The following RAB20 variants were observed in gnomAD, a reference collection of about 807,000 sequenced individuals.
RAB20 encodes the protein RAB20, member RAS oncogene family, also known as ras-related protein Rab-20.
Under a neutral mutation model 3.7 loss-of-function variants are expected in RAB20, and 2 were observed. The observed-to-expected ratio is 0.54, with a 90% confidence interval of 0.22 to 1.69. RAB20 has a LOEUF of 1.69. Ranked by LOEUF, RAB20 falls within the 40% of genes most tolerant of loss-of-function variation. RAB20 has a pLI of 0.19. For missense variants in RAB20, 276 were observed against 311.9 expected (o/e 0.88, Z 0.87); for synonymous variants, 126 against 130.8 (o/e 0.96, Z 0.25).
At chr13:110,547,538 T>C (rs1054048661) in intron 1 of RAB20, among the ~76,000 whole-genome samples, 1 of 152,164 alleles carries the variant, frequency 6.6e-6, no homozygotes, top group African/African-American at 2.4e-5. Flanking sequence ...TTGGAGCAAT[T>C]CCTTTCCAGT....
intron 1 of RAB20, among the ~76,000 whole-genome samples, chr13:110,525,723 TG>T (rs1219453127): frequency 1.1e-4 from 16 of 152,208 alleles, no homozygotes; most frequent in Non-Finnish European, 1.9e-4. Flanking sequence ...GCACGCCTGC[TG>T]GTATGTCCTC....
intron 1 of RAB20, among the ~76,000 whole-genome samples, chr13:110,538,958 C>A (rs1884704999): frequency 6.6e-6 from 1 of 152,228 alleles, no homozygotes; most frequent in South Asian, 2.1e-4. Context: ...CAACATCCAG[C>A]AGCCGGATAT....
intron 1 of RAB20, among the ~76,000 whole-genome samples, chr13:110,551,908 CCT>C (rs1166255332): frequency 8.3e-5 from 8 of 96,592 alleles, no homozygotes; most frequent in African/African-American, 2.3e-4. Flanking sequence ...TACTGAGACC[CCT>C]GTCTCTACAA....
Position 110,558,379 on chromosome 13 carries a change from A to ATT in RAB20, c.172+2968_172+2969insAA, listed in dbSNP as rs1885074639. Among the ~76,000 whole-genome samples the ATT allele has an allele frequency of 3.0e-5, 2 of 66,418 alleles. 1 individual carries two copies. The highest frequency in any genetic ancestry group is 6.4e-5 in the Non-Finnish European group (2 of 31,210). 43.6% of individuals were successfully genotyped at this position (66,418 alleles called of 152,430 possible). ...CCCACTTAACTTCTGCTGTCTTCCC[A>ATT]CTTTTTTTTTTTTTTTTTTTTGAGA... On this transcript the variant is annotated intron_variant, in intron 1 of 1. Transcript: ENST00000267328.
In RAB20 at chr13:110,561,489, G is replaced by A. The variant is rs1885133365; in HGVS notation, c.31C>T (p.Leu11=). MRKPDSKIVL[L]GDMNVGKTSL... ...GTCTTCCCCACGTTCATGTCCCCCA[G>A]GAGCACGATCTTGCTGTCGGGCTTC... Residue 11 remains leucine (L), a synonymous_variant, in exon 1 of 2, where the codon CTG becomes TTG. Transcript: ENST00000267328. 3.1e-6 allele frequency: 5 copies of A among 1,591,988 alleles called. No homozygotes were observed. Among genetic ancestry groups the A allele is most frequent in the Middle Eastern group, 1.7e-4 (1 of 5,990 alleles).
intron 1 of RAB20, among the ~76,000 whole-genome samples, chr13:110,533,037 G>T (rs1249131013): frequency 6.6e-6 from 1 of 152,202 alleles, no homozygotes; most frequent in Non-Finnish European, 1.5e-5. Context: ...CAGCCCCCTG[G>T]CAGGGAGCTC....
chr13:110,554,957 C>T (rs969201484), intron 1 of RAB20, among the ~76,000 whole-genome samples: 7 of 148,618 alleles, frequency 4.7e-5, no homozygotes, highest in Non-Finnish European at 1.0e-4. Flanking sequence ...TTCCCAAGGG[C>T]AGGAAGACCA....
In RAB20 at chr13:110,523,519, C is replaced by T; in HGVS notation, c.*146G>A. 7.1e-7 allele frequency: 1 copy of T among 1,412,924 alleles called. No homozygotes were observed. 87.5% of individuals were successfully genotyped at this position (1,412,924 alleles called of 1,614,324 possible). On this transcript the variant is annotated 3_prime_UTR_variant, in exon 2 of 2. Coordinates refer to ENST00000267328, the MANE Select transcript of RAB20 (RefSeq NM_017817.3). Reference sequence around the variant, plus strand: ...CACACGTTGACCTCCTCTTCATAGCCAGCCATCATTTCCACTCCAACATTC... The same window carrying T: ...CACACGTTGACCTCCTCTTCATAGCTAGCCATCATTTCCACTCCAACATTC...
chr13:110,544,563 T>C (rs1336597512), intron 1 of RAB20, among the ~76,000 whole-genome samples: 1 of 152,140 alleles, frequency 6.6e-6, no homozygotes, highest in African/African-American at 2.4e-5. Context: ...AATACAGATG[T>C]AAAAATAAAG....
intron 1 of RAB20, among the ~76,000 whole-genome samples, chr13:110,549,356 T>C (rs1303228542): frequency 6.6e-6 from 1 of 152,252 alleles, no homozygotes; most frequent in Non-Finnish European, 1.5e-5. Flanking sequence ...CCTGTGCCCT[T>C]TGGCATTTCC....
At chr13:110,546,327 T>C (rs1884848881) in intron 1 of RAB20, among the ~76,000 whole-genome samples, 1 of 152,244 alleles carries the variant, frequency 6.6e-6, no homozygotes, top group Non-Finnish European at 1.5e-5. Context: ...CATATCTTCA[T>C]TTTGTTTTCT....
In RAB20 at chr13:110,523,414, T is replaced by C. The variant is rs1009455112; in HGVS notation, c.*251A>G. On this transcript the variant is annotated 3_prime_UTR_variant, in exon 2 of 2. Transcript: ENST00000267328. Reference sequence around the variant, plus strand: ...GCAGCGGGGCAGAGAGCACCAGGGGTCTCGACTCTGCAGATTGGGCTTTGC... The same window carrying C: ...GCAGCGGGGCAGAGAGCACCAGGGGCCTCGACTCTGCAGATTGGGCTTTGC... 7 of 714,832 alleles carry C rather than the reference T, an allele frequency of 9.8e-6. No individual in the cohort carries two copies. The African/African-American group carries it at 1.1e-4, about 11-fold the overall frequency. The allele number at this position is 714,832 out of a possible 1,614,324, so 44.3% of individuals were successfully genotyped here. A position where few individuals can be genotyped will look rare whatever the true frequency, so the allele number is the denominator to read the frequency against.
intron 1 of RAB20, among the ~76,000 whole-genome samples, chr13:110,550,244 G>A (rs889857476): frequency 6.6e-5 from 10 of 151,416 alleles, no homozygotes; most frequent in Non-Finnish European, 8.8e-5. Flanking sequence ...CCCCAATTCC[G>A]TGGCACCCCT....
intron 1 of RAB20, among the ~76,000 whole-genome samples, chr13:110,531,483 C>T (rs1418224398): frequency 6.6e-6 from 1 of 152,224 alleles, no homozygotes; most frequent in Non-Finnish European, 1.5e-5. Context: ...CAAATCCCCA[C>T]CGTGTGACCT....
chr13:110,539,453 C>T (rs1253214377), intron 1 of RAB20, among the ~76,000 whole-genome samples: 2 of 151,916 alleles, frequency 1.3e-5, no homozygotes, highest in Non-Finnish European at 2.9e-5. Flanking sequence ...TTCCAGTTAA[C>T]GGAACTGCAA....
chr13:110,541,856 A>G (rs902270943), intron 1 of RAB20, among the ~76,000 whole-genome samples: 4 of 149,106 alleles, frequency 2.7e-5, no homozygotes, highest in African/African-American at 1.0e-4. Context: ...ACATACATGC[A>G]CGTACATGCC....
chr13:110,536,030 C>T lies in RAB20; in HGVS notation c.173-11833G>A, dbSNP rs144813804. ...TGTGACCACATGGAGTACGGCAGACCCTTAATCACATCTAACTGGTGTCCT... is the reference window on the plus strand; with the variant it reads ...TGTGACCACATGGAGTACGGCAGACTCTTAATCACATCTAACTGGTGTCCT... On this transcript the variant is annotated intron_variant, in intron 1 of 1. Coordinates refer to ENST00000267328, the MANE Select transcript of RAB20 (RefSeq NM_017817.3). Among the ~76,000 whole-genome samples the T allele has an allele frequency of 2.2e-3, 336 of 152,294 alleles. 2 individuals carry two copies. The highest frequency in any genetic ancestry group is 7.7e-3 in the African/African-American group (318 of 41,556).
chr13:110,549,593 T>TCC (rs1451675009), intron 1 of RAB20, among the ~76,000 whole-genome samples: 1 of 152,252 alleles, frequency 6.6e-6, no homozygotes, highest in Non-Finnish European at 1.5e-5. Context: ...CATTAGACCC[T>TCC]CCTTCCAGAG....
In RAB20 at chr13:110,524,074, G is replaced by C; in HGVS notation, c.296C>G (p.Thr99Arg). The C allele has an allele frequency of 1.2e-6, 2 of 1,613,828 alleles. No individual in the cohort carries two copies. The highest frequency in any genetic ancestry group is 1.7e-6 in the Non-Finnish European group (2 of 1,180,028). The change falls in exon 2 of 2, where the codon ACA (threonine) becomes AGA (arginine). Residue 99 changes from threonine (T) to arginine (R), a missense_variant. Coordinates refer to ENST00000267328, the MANE Select transcript of RAB20 (RefSeq NM_017817.3). ...GAGGCAGTCTTTGCTGGCTGTGTCTGTCAGGCCCAGGAACCGGTCCTCCAG... is the reference window on the plus strand; with the variant it reads ...GAGGCAGTCTTTGCTGGCTGTGTCTCTCAGGCCCAGGAACCGGTCCTCCAG... ...VELEDRFLGL[T>R]DTASKDCLFA...
Sources: gnomAD v4.1 joint callset for allele counts (sites outside exome capture counted in the v4.1 genomes callset) on GRCh38, gnomAD v4.1.1 for gene constraint, MANE v1.5 for transcripts, NCBI Gene and HGNC (gene_info 2026-07-23, HGNC 2026-07-21) for gene names.